Variants in TBC1D5 observed in about 807,000 individuals in gnomAD.
TBC1D5 encodes the protein TBC1 domain family member 5, also known as TBC1 domain family, member 5.
A neutral mutation model predicts 100.3 loss-of-function variants in TBC1D5; 75 were observed. The observed-to-expected ratio is 0.75, with a 90% CI of 0.62 to 0.91. TBC1D5 has a LOEUF of 0.91. TBC1D5 is among the 40% of genes least tolerant of loss of function. The probability of loss-of-function intolerance (pLI) is 0.00; values close to 1 mark genes in which losing one functional copy is unlikely to be tolerated. For missense variants in TBC1D5, 910 were observed against 942.4 expected (o/e 0.97, Z 0.45); for synonymous variants, 323 against 325.6 (o/e 0.99, Z 0.09).
intron 17 of TBC1D5, among the ~76,000 whole-genome samples, chr3:17,223,063 A>G (rs993095984): frequency 5.9e-5 from 9 of 152,170 alleles, no homozygotes; most frequent in Non-Finnish European, 1.2e-4. Flanking sequence ...GGCATTATAT[A>G]TCAAATCTAA....
At chr3:17,588,140 A>T (rs2153555469) in intron 2 of TBC1D5, among the ~76,000 whole-genome samples, 1 of 152,146 alleles carries the variant, frequency 6.6e-6, no homozygotes, top group South Asian at 2.1e-4. Flanking sequence ...TTTTAATTTT[A>T]GGCCAATTTT....
intron 21 of TBC1D5, among the ~76,000 whole-genome samples, chr3:17,162,901 T>C (rs1320790344): frequency 6.6e-6 from 1 of 152,212 alleles, no homozygotes; most frequent in Non-Finnish European, 1.5e-5. Context: ...TGTCCTGCAC[T>C]GTAAACTGTG....
intron 3 of TBC1D5, among the ~76,000 whole-genome samples, chr3:17,440,838 C>A (rs1169740641): frequency 6.6e-6 from 1 of 152,032 alleles, no homozygotes; most frequent in Non-Finnish European, 1.5e-5. Flanking sequence ...AACAGGATTT[C>A]TCCATGTTGG....
Position 17,406,404 on chromosome 3 carries a change from T to C in TBC1D5, c.276+14A>G. The C allele has an allele frequency of 6.2e-7, 1 of 1,601,656 alleles. No individual in the cohort carries two copies. The highest frequency in any genetic ancestry group is 2.2e-5 in the East Asian group (1 of 44,558). ...ATTGCAACCAGAAACTGTAAATAAA[T>C]ATTTTCTTCTTACCTTCCAGCAAAT... On this transcript the variant is annotated intron_variant, in intron 5 of 21. Coordinates refer to ENST00000253692, the Ensembl canonical transcript of TBC1D5.
At chr3:17,621,198 T>A (rs1477331948) in intron 2 of TBC1D5, among the ~76,000 whole-genome samples, 1 of 152,154 alleles carries the variant, frequency 6.6e-6, no homozygotes, top group Non-Finnish European at 1.5e-5. Context: ...AAAATGCAGA[T>A]GTATGTGTCC....
intron 14 of TBC1D5, among the ~76,000 whole-genome samples, chr3:17,294,790 A>G (rs1252833375): frequency 6.6e-6 from 1 of 152,214 alleles, no homozygotes; most frequent in East Asian, 1.9e-4. Flanking sequence ...GCTAATGAAA[A>G]TCCACACTTT....
At chr3:17,500,527 G>T (rs2095772963) in intron 3 of TBC1D5, among the ~76,000 whole-genome samples, 1 of 149,462 alleles carries the variant, frequency 6.7e-6, no homozygotes, top group African/African-American at 2.5e-5. Context: ...TGAGTTAGTG[G>T]TTTCTTGAAA....
chr3:17,452,421 A>C (rs576800793), intron 3 of TBC1D5, among the ~76,000 whole-genome samples: 1 of 152,310 alleles, frequency 6.6e-6, no homozygotes, highest in South Asian at 2.1e-4. Flanking sequence ...ACAGTGATCT[A>C]TTGCCTACAA....
chr3:17,616,521 C>CTTTG (rs2062167611), intron 2 of TBC1D5, among the ~76,000 whole-genome samples: 1 of 152,028 alleles, frequency 6.6e-6, no homozygotes, highest in African/African-American at 2.4e-5. Context: ...GTGTGGGAGT[C>CTTTG]TAAGTCTCTT....
At chr3:17,264,298 T>G (rs998822706) in intron 15 of TBC1D5, among the ~76,000 whole-genome samples, 2 of 152,114 alleles carry the variant, frequency 1.3e-5, no homozygotes, top group East Asian at 3.9e-4. Context: ...ACAAAGGTAA[T>G]TACAAACAGT....
rs1214617693 is a variant in TBC1D5, at chr3:17,715,251, T to G, written c.-101+24092A>C. The stretch of plus-strand genomic sequence containing the variant: ...TTACTTCCATAACACAGAACTTACC[T>G]GGGTCCAAGAGAGCAAAGCACTCTT... On this transcript the variant is annotated intron_variant, in intron 1 of 21. Transcript: ENST00000253692. 2.6e-5 allele frequency among the ~76,000 whole-genome samples: 4 copies of G among 152,182 alleles called. No homozygotes were observed. The East Asian group carries it at 7.7e-4, about 29-fold the overall frequency.
exon 22 of TBC1D5, chr3:17,159,453 T>G (rs893364959): frequency 1.3e-5 from 2 of 152,268 alleles, no homozygotes; most frequent in African/African-American, 4.8e-5. Context: ...CCCGGCTGCC[T>G]CGCCATCCTC....
At chr3:17,172,711 A>G (rs1398180542) in intron 19 of TBC1D5, among the ~76,000 whole-genome samples, 1 of 152,254 alleles carries the variant, frequency 6.6e-6, no homozygotes, top group African/African-American at 2.4e-5. Context: ...TAGTGCCACA[A>G]AAATAGATCT....
At chr3:17,583,252 T>C (rs1311355578) in intron 2 of TBC1D5, among the ~76,000 whole-genome samples, 1 of 152,030 alleles carries the variant, frequency 6.6e-6, no homozygotes, top group Non-Finnish European at 1.5e-5. Flanking sequence ...GCCACTGCAC[T>C]CTGGCCTGGG....
intron 14 of TBC1D5, among the ~76,000 whole-genome samples, chr3:17,295,642 A>C (rs1485042755): frequency 6.6e-6 from 1 of 152,256 alleles, no homozygotes; most frequent in African/African-American, 2.4e-5. Flanking sequence ...CCACACTTAC[A>C]ATTGTAATGT....
intron 2 of TBC1D5, among the ~76,000 whole-genome samples, chr3:17,588,286 G>A (rs2096745297): frequency 6.7e-6 from 1 of 148,556 alleles, no homozygotes. Context: ...ACTATGGGCA[G>A]AATTAGGAAA....
At chr3:17,356,161 G>C (rs758604833) in intron 13 of TBC1D5, among the ~76,000 whole-genome samples, 5 of 152,134 alleles carry the variant, frequency 3.3e-5, no homozygotes, top group Non-Finnish European at 7.4e-5. Flanking sequence ...CTTTAAAATT[G>C]CAAGGGACTT....
chr3:17,532,451 A>G (rs1460850452), intron 2 of TBC1D5, among the ~76,000 whole-genome samples: 1 of 152,212 alleles, frequency 6.6e-6, no homozygotes, highest in Non-Finnish European at 1.5e-5. Flanking sequence ...ATCTAGAACT[A>G]GAAATACCAT....
intron 2 of TBC1D5, among the ~76,000 whole-genome samples, chr3:17,595,008 C>A (rs1251374264): frequency 6.6e-6 from 1 of 152,158 alleles, no homozygotes; most frequent in Admixed American, 6.5e-5. Context: ...ATCTAATCAG[C>A]TGCCAGCACA....
Sources: gnomAD v4.1 joint callset for allele counts (sites outside exome capture counted in the v4.1 genomes callset) on GRCh38, gnomAD v4.1.1 for gene constraint, MANE v1.5 for transcripts, NCBI Gene and HGNC (gene_info 2026-07-23, HGNC 2026-07-21) for gene names.